Variants in HDGFL3 observed in about 807,000 individuals in gnomAD.
HDGFL3 encodes HDGF like 3, also known as hepatoma-derived growth factor-related protein 3.
HDGFL3 carries 6 observed loss-of-function variants against 27.6 expected under a neutral mutation model. The observed-to-expected ratio is 0.22, with a 90% CI of 0.12 to 0.43. The LOEUF is 0.43. Among genes scored for constraint, HDGFL3 ranks in the 20% least tolerant of loss-of-function variants. The probability of loss-of-function intolerance (pLI) is 1.00; values close to 1 mark genes in which losing one functional copy is unlikely to be tolerated. For synonymous variants in HDGFL3, 88 were observed against 88.9 expected (o/e 0.99, Z 0.05); for missense variants, 207 against 250.1 (o/e 0.83, Z 1.16).
rs369483916 is a variant in HDGFL3 at position 83,141,210 on chromosome 15, C to A, written c.607-1935G>T. Among the ~76,000 whole-genome samples, 3 of 152,150 alleles carry A rather than the reference C, an allele frequency of 2.0e-5. No individual in the cohort carries two copies. The South Asian group carries it at 6.2e-4, about 32-fold the overall frequency. Reference sequence around the variant, plus strand: ...CTGAGTAAGTAGCCACAAGTGGTTCCTTATGCACTGGTTGCCATGCACCCC... The same window carrying A: ...CTGAGTAAGTAGCCACAAGTGGTTCATTATGCACTGGTTGCCATGCACCCC... On this transcript the variant is annotated intron_variant, in intron 5 of 5. Coordinates refer to ENST00000299633, the MANE Select transcript of HDGFL3 (RefSeq NM_016073.4).
rs1456700567 is a variant in HDGFL3 at position 83,136,468 on chromosome 15, TTA to T, written c.*2800_*2801del. 6.4e-7 allele frequency: 1 copy of T among 1,568,294 alleles called. No individual in the cohort carries two copies. The highest frequency in any genetic ancestry group is 1.2e-5 in the South Asian group (1 of 82,802). On this transcript the variant is annotated 3_prime_UTR_variant, in exon 6 of 6. Coordinates refer to ENST00000299633, the MANE Select transcript of HDGFL3 (RefSeq NM_016073.4). ...TTCATGCTTACTCAATTTTTTTTTTTTAAATGCAACAGGCTCAGTTTTCTCAC... is the reference window on the plus strand; with the variant it reads ...TTCATGCTTACTCAATTTTTTTTTTTAATGCAACAGGCTCAGTTTTCTCAC...
intron 1 of HDGFL3, among the ~76,000 whole-genome samples, chr15:83,199,632 A>G (rs924109978): frequency 6.6e-6 from 1 of 152,194 alleles, no homozygotes; most frequent in Non-Finnish European, 1.5e-5. Context: ...TCTATTCAGA[A>G]TATGAGTTTC....
intron 1 of HDGFL3, among the ~76,000 whole-genome samples, chr15:83,170,045 C>A (rs1342420448): frequency 6.6e-6 from 1 of 152,134 alleles, no homozygotes; most frequent in Non-Finnish European, 1.5e-5. Context: ...AGGAGAACTA[C>A]AAACACTGCT....
intron 1 of HDGFL3, chr15:83,192,350 G>A (rs1426706699): frequency 6.6e-6 from 3 of 453,514 alleles, no homozygotes; most frequent in East Asian, 7.0e-5. Flanking sequence ...TGATAGACAT[G>A]CACTCCTGAC....
At chr15:83,157,849 G>A in intron 3 of HDGFL3, 54 bp downstream of exon 3, 3 of 1,530,674 alleles carry the variant, frequency 2.0e-6, no homozygotes, top group Non-Finnish European at 1.8e-6. Context: ...ATTTGAAAAA[G>A]CGTTAAAACC....
intron 1 of HDGFL3, among the ~76,000 whole-genome samples, chr15:83,165,791 T>C (rs1286236882): frequency 2.1e-5 from 1 of 48,702 alleles, no homozygotes; most frequent in Non-Finnish European, 3.4e-5. Context: ...CAAGAATCCA[T>C]CTCAAAAAAA....
At chr15:83,184,416 T>C (rs576002840) in intron 1 of HDGFL3, among the ~76,000 whole-genome samples, 3 of 152,364 alleles carry the variant, frequency 2.0e-5, no homozygotes, top group South Asian at 4.1e-4. Flanking sequence ...TCTCTCTTCA[T>C]GTTTATCTTT....
At chr15:83,198,054 C>CAAAAAAAACAAAAAAAAAA (rs2037593651) in intron 1 of HDGFL3, among the ~76,000 whole-genome samples, 1 of 57,596 alleles carries the variant, frequency 1.7e-5, no homozygotes, top group Non-Finnish European at 2.8e-5. Flanking sequence ...GACTCCGTCT[C>CAAAAAAAACAAAAAAAAAA]AAAAAAAAAA....
Position 83,179,448 on chromosome 15 carries a change from G to A in HDGFL3, c.85-15373C>T, listed in dbSNP as rs114573221. 1.3e-3 allele frequency among the ~76,000 whole-genome samples: 204 copies of A among 152,304 alleles called. 1 individual carries two copies. The highest frequency in any genetic ancestry group is 4.8e-3 in the African/African-American group (199 of 41,570). On this transcript the variant is annotated intron_variant, in intron 1 of 5. Coordinates refer to ENST00000299633, the MANE Select transcript of HDGFL3 (RefSeq NM_016073.4). ...AACAGAGGCAAGGAAATTCCACATG[G>A]CTCAAACTTGTATGTGTGGTAGCTT... is the stretch of plus-strand genomic sequence containing the variant.
At chr15:83,150,282 G>T (rs1180619061) in intron 5 of HDGFL3, among the ~76,000 whole-genome samples, 2 of 152,184 alleles carry the variant, frequency 1.3e-5, no homozygotes, top group East Asian at 3.8e-4. Context: ...AAGTGAGCCA[G>T]GTGTTCAAGT....
At chr15:83,150,653 A>C (rs1297008746) in intron 5 of HDGFL3, among the ~76,000 whole-genome samples, 1 of 152,254 alleles carries the variant, frequency 6.6e-6, no homozygotes, top group African/African-American at 2.4e-5. Context: ...ATTTGCCTTC[A>C]TCAAGTTTTT....
chr15:83,193,856 G>C (rs2037540470), intron 1 of HDGFL3, among the ~76,000 whole-genome samples: 1 of 152,140 alleles, frequency 6.6e-6, no homozygotes, highest in African/African-American at 2.4e-5. Flanking sequence ...CTGCCTACAG[G>C]GTAGCCTATA....
chr15:83,165,114 C>CCA, intron 1 of HDGFL3, among the ~76,000 whole-genome samples: 1 of 152,332 alleles, frequency 6.6e-6, no homozygotes, highest in Non-Finnish European at 1.5e-5. Context: ...TCTGGTTATA[C>CCA]GCCAGCTTCC....
downstream of HDGFL3, among the ~76,000 whole-genome samples, chr15:83,124,446 A>G (rs2035550010): frequency 6.6e-6 from 1 of 152,218 alleles, no homozygotes; most frequent in East Asian, 1.9e-4. Flanking sequence ...TAGAGCTACA[A>G]GAGCCCTTCG....
chr15:83,165,287 T>C (rs1011958636), intron 1 of HDGFL3, among the ~76,000 whole-genome samples: 3 of 152,356 alleles, frequency 2.0e-5, no homozygotes, highest in South Asian at 2.1e-4. Flanking sequence ...CTGTCACTTA[T>C]TGGCTGTGTG....
At chr15:83,158,129 C>T (rs1596551743) in intron 2 of HDGFL3, 88 bp from the exon 3 acceptor site, 1 of 1,108,862 alleles carries the variant, frequency 9.0e-7, no homozygotes, top group African/African-American at 1.6e-5. Context: ...GATGTCAGAG[C>T]ATACTATAGC....
At chr15:83,143,342 T>A (rs1309231782) in intron 5 of HDGFL3, among the ~76,000 whole-genome samples, 1 of 151,198 alleles carries the variant, frequency 6.6e-6, no homozygotes, top group Non-Finnish European at 1.5e-5. Context: ...CGAAGCACTT[T>A]GGGAGGTTGA....
intron 4 of HDGFL3, among the ~76,000 whole-genome samples, chr15:83,151,767 T>C (rs912428617): frequency 2.6e-5 from 4 of 152,150 alleles, no homozygotes; most frequent in African/African-American, 4.8e-5. Context: ...GTAGTGGAAA[T>C]TGAAAGAAGT....
chr15:83,166,952 T>C (rs1278414038), intron 1 of HDGFL3, among the ~76,000 whole-genome samples: 1 of 152,176 alleles, frequency 6.6e-6, no homozygotes, highest in African/African-American at 2.4e-5. Flanking sequence ...AATCAACATA[T>C]GGGCAGGGAC....
Sources: allele counts gnomAD v4.1 joint callset (sites outside exome capture counted in the v4.1 genomes callset), GRCh38; gene constraint gnomAD v4.1.1; transcripts MANE v1.5; gene names NCBI Gene and HGNC (gene_info 2026-07-23, HGNC 2026-07-21).